The following ABI3BP variants were observed in gnomAD, a reference collection of about 807,000 sequenced individuals.
ABI3BP encodes the protein target of Nesh-SH3.
In ABI3BP, 216 loss-of-function variants were observed where a neutral mutation model predicts 268.6. The ratio of observed to expected loss-of-function variants is 0.80; its 90% confidence interval spans 0.72 to 0.90. The LOEUF is 0.90. ABI3BP is among the 40% of genes least tolerant of loss of function. The probability of loss-of-function intolerance (pLI) is 0.00; values close to 1 mark genes in which losing one functional copy is unlikely to be tolerated. For missense variants in ABI3BP, 2,090 were observed against 2,182.4 expected (o/e 0.96, Z 0.84); for synonymous variants, 730 against 730.0 (o/e 1.00, Z 0.00).
At chr3:100,977,858 G>A (rs1295836962) in intron 1 of ABI3BP, among the ~76,000 whole-genome samples, 4 of 152,088 alleles carry the variant, frequency 2.6e-5, no homozygotes, top group African/African-American at 9.7e-5. Context: ...TAAACTGTGT[G>A]TTCACATCTT....
chr3:100,935,821 T>G (rs2065874962), intron 1 of ABI3BP, among the ~76,000 whole-genome samples: 1 of 152,222 alleles, frequency 6.6e-6, no homozygotes, highest in African/African-American at 2.4e-5. Flanking sequence ...TTTTGCACAT[T>G]GATTTTGTAT....
chr3:100,799,121 A>T (rs73152424), intron 51 of ABI3BP, among the ~76,000 whole-genome samples: 21,041 of 151,980 alleles, frequency 0.14, 1,894 homozygotes, highest in South Asian at 0.27. Context: ...TAATATCTTT[A>T]AAAAAAATCA....
intron 4 of ABI3BP, among the ~76,000 whole-genome samples, chr3:100,889,215 C>T (rs1004408403): frequency 2.0e-5 from 3 of 152,100 alleles, no homozygotes; most frequent in African/African-American, 7.2e-5. Context: ...TCCATTTAAT[C>T]CATACAATAA....
At chr3:100,903,680 C>CAG (rs2051656702) in intron 2 of ABI3BP, among the ~76,000 whole-genome samples, 1 of 152,214 alleles carries the variant, frequency 6.6e-6, no homozygotes, top group Non-Finnish European at 1.5e-5. Flanking sequence ...GAGTCTGGAG[C>CAG]AGAGGCCTTC....
intron 6 of ABI3BP, among the ~76,000 whole-genome samples, chr3:100,884,877 T>C (rs1214597215): frequency 6.6e-6 from 1 of 152,102 alleles, no homozygotes; most frequent in Non-Finnish European, 1.5e-5. Context: ...AATGCGAACA[T>C]GTCTGTGGTG....
At chr3:100,825,436 T>C (rs2098361246) in intron 35 of ABI3BP, among the ~76,000 whole-genome samples, 1 of 152,180 alleles carries the variant, frequency 6.6e-6, no homozygotes, top group African/African-American at 2.4e-5. Context: ...ATAGCCGTTA[T>C]TGCCAATCAG....
intron 1 of ABI3BP, among the ~76,000 whole-genome samples, chr3:100,958,418 T>A (rs1318350194): frequency 6.6e-6 from 1 of 152,168 alleles, no homozygotes; most frequent in Non-Finnish European, 1.5e-5. Context: ...GCAACAGTAT[T>A]TTATCCAGGA....
chr3:100,926,081 C>G (rs1360049562), intron 2 of ABI3BP, among the ~76,000 whole-genome samples: 2 of 151,786 alleles, frequency 1.3e-5, no homozygotes, highest in African/African-American at 4.8e-5. Flanking sequence ...AGTTATATAG[C>G]CAGGGAGAAT....
At chr3:100,824,264 C>T (rs1276496259) in intron 36 of ABI3BP, among the ~76,000 whole-genome samples, 1 of 152,150 alleles carries the variant, frequency 6.6e-6, no homozygotes, top group Non-Finnish European at 1.5e-5. Context: ...GACTGGACTG[C>T]CTTTCTAGCT....
At chr3:100,914,631 A>G (rs1306772685) in intron 2 of ABI3BP, among the ~76,000 whole-genome samples, 2 of 152,222 alleles carry the variant, frequency 1.3e-5, no homozygotes, top group African/African-American at 4.8e-5. Context: ...GGCCCGCTAT[A>G]GAGAGTGAGT....
intron 27 of ABI3BP, 139 bp downstream of exon 27, chr3:100,836,985 C>A: frequency 4.1e-6 from 3 of 735,108 alleles, no homozygotes; most frequent in Non-Finnish European, 6.4e-6. Flanking sequence ...AAAAAGGCCC[C>A]TGTTGAAAAT....
chr3:100,817,557 AT>A, intron 41 of ABI3BP, 62 bp from the exon 42 acceptor site: 2 of 1,259,824 alleles, frequency 1.6e-6, no homozygotes, highest in Non-Finnish European at 2.1e-6. Context: ...TCACAGTTCA[AT>A]TTTTAAGCTT....
At chr3:100,751,711 TCTTA>T (rs888552695) in intron 66 of ABI3BP, 37 bp from the exon 67 acceptor site, 7 of 1,541,972 alleles carry the variant, frequency 4.5e-6, no homozygotes, top group Non-Finnish European at 6.1e-6. Context: ...AAGTTTACTT[TCTTA>T]CTTTGAAATG....
At chr3:100,822,726 A>T (rs2098266611) in intron 37 of ABI3BP, 54 bp from the exon 38 acceptor site, 1 of 1,478,782 alleles carries the variant, frequency 6.8e-7, no homozygotes, top group Non-Finnish European at 9.1e-7. Context: ...ATGATTCTGG[A>T]AGCTGTGTGA....
chr3:100,831,241 G>A (rs1184696803), intron 31 of ABI3BP, among the ~76,000 whole-genome samples: 1 of 152,052 alleles, frequency 6.6e-6, no homozygotes, highest in Non-Finnish European at 1.5e-5. Flanking sequence ...TGTGCTGGGG[G>A]TGTGTCTGCC....
intron 14 of ABI3BP, among the ~76,000 whole-genome samples, chr3:100,853,076 C>T (rs1200857329): frequency 3.3e-5 from 5 of 152,136 alleles, no homozygotes; most frequent in Non-Finnish European, 7.3e-5. Flanking sequence ...GCTTTTGAGC[C>T]AGTGCTGGTT....
chr3:100,820,152 A>G, intron 40 of ABI3BP, 68 bp downstream of exon 40: 2 of 1,338,550 alleles, frequency 1.5e-6, no homozygotes, highest in Non-Finnish European at 1.0e-6. Flanking sequence ...CACTCCCATC[A>G]TTGGCATCAG....
Position 100,850,748 on chromosome 3 carries a change from TG to T in ABI3BP, c.1352-15del. ...GATCACTTGTTGCTGTTGGAATAAATGTCAACATTTGTAAAAGCAGTAGAAG... is the reference window on the plus strand; with the variant it reads ...GATCACTTGTTGCTGTTGGAATAAATTCAACATTTGTAAAAGCAGTAGAAG... On this transcript the variant is annotated splice_polypyrimidine_tract_variant and intron_variant, in intron 15 of 67. Coordinates refer to ENST00000471714, the MANE Select transcript of ABI3BP (RefSeq NM_001375547.2). 1 of 1,598,718 alleles carries T rather than the reference TG, an allele frequency of 6.3e-7. No individual in the cohort carries two copies. Among genetic ancestry groups the T allele is most frequent in the Non-Finnish European group, 8.6e-7 (1 of 1,166,740 alleles).
chr3:100,954,035 A>G (rs2076005897), intron 1 of ABI3BP, among the ~76,000 whole-genome samples: 1 of 152,180 alleles, frequency 6.6e-6, no homozygotes, highest in South Asian at 2.1e-4. Context: ...CCCAAACACT[A>G]GTACGTGTAA....
Sources: gnomAD v4.1 joint callset for allele counts (sites outside exome capture counted in the v4.1 genomes callset) on GRCh38, gnomAD v4.1.1 for gene constraint, MANE v1.5 for transcripts, NCBI Gene and HGNC (gene_info 2026-07-23, HGNC 2026-07-21) for gene names.